Variants in PCLO observed in about 807,000 individuals in gnomAD.
PCLO encodes the protein piccolo presynaptic cytomatrix protein.
PCLO carries 82 observed loss-of-function variants against 427.5 expected under a neutral mutation model. The observed-to-expected ratio is 0.19, with a 90% CI of 0.16 to 0.23. PCLO has a LOEUF of 0.23. Ranked by LOEUF, PCLO falls within the 10% of genes least tolerant of loss-of-function variation. The pLI, the probability that PCLO is intolerant of heterozygous loss-of-function variation, is 1.00. For missense variants in PCLO, 6,239 were observed against 6,115.9 expected, an observed-to-expected ratio of 1.02 and a Z score of -0.67; for synonymous variants, 2,357 against 2,155.4, an observed-to-expected ratio of 1.09 and a Z score of -2.59.
At chr7:83,103,186 A>G (rs1235148696) in intron 3 of PCLO, among the ~76,000 whole-genome samples, 1 of 151,892 alleles carries the variant, frequency 6.6e-6, no homozygotes, top group African/African-American at 2.4e-5. Context: ...AAAAGCAACT[A>G]TTGTTTTTGA....
chr7:82,868,256 T>A, intron 10 of PCLO: 1 of 456,292 alleles, frequency 2.2e-6, no homozygotes, highest in Non-Finnish European at 4.4e-6. Context: ...AGGAGCATTC[T>A]TCCTTATGTT....
chr7:82,914,144 T>C (rs1584142832), intron 7 of PCLO, among the ~76,000 whole-genome samples: 1 of 152,002 alleles, frequency 6.6e-6, no homozygotes, highest in Non-Finnish European at 1.5e-5. Flanking sequence ...TTCTACATTA[T>C]ACTAACATCA....
At chr7:82,773,749 C>A (rs1430615823) in intron 22 of PCLO, among the ~76,000 whole-genome samples, 1 of 151,498 alleles carries the variant, frequency 6.6e-6, no homozygotes, top group South Asian at 2.1e-4. Context: ...CTCTTCAGTT[C>A]CCCTCTTCAT....
intron 3 of PCLO, among the ~76,000 whole-genome samples, chr7:83,108,875 G>T (rs989076109): frequency 6.6e-6 from 1 of 152,062 alleles, no homozygotes; most frequent in Non-Finnish European, 1.5e-5. Flanking sequence ...AAATGTACTG[G>T]AGTTAGAAAT....
At chr7:82,997,447 CTTG>C (rs1160572349) in intron 3 of PCLO, among the ~76,000 whole-genome samples, 2 of 151,952 alleles carry the variant, frequency 1.3e-5, no homozygotes, top group African/African-American at 4.8e-5. Context: ...TTTTGTCTTT[CTTG>C]TTATGTTTGC....
At chr7:82,940,143 T>A (rs1795045379) in intron 6 of PCLO, among the ~76,000 whole-genome samples, 1 of 152,234 alleles carries the variant, frequency 6.6e-6, no homozygotes, top group Non-Finnish European at 1.5e-5. Flanking sequence ...TCCAAATGGA[T>A]AATCAATGAA....
intron 3 of PCLO, among the ~76,000 whole-genome samples, chr7:83,062,021 T>A (rs1287642967): frequency 6.6e-6 from 1 of 152,162 alleles, no homozygotes; most frequent in African/African-American, 2.4e-5. Flanking sequence ...GTATATGACA[T>A]TGGGGACTAA....
chr7:82,922,293 T>C (rs1418933123), intron 6 of PCLO, among the ~76,000 whole-genome samples: 1 of 152,030 alleles, frequency 6.6e-6, no homozygotes, highest in East Asian at 1.9e-4. Context: ...CATGTGTATA[T>C]TCATCACAGC....
chr7:82,832,886 A>G (rs908954096), intron 16 of PCLO, among the ~76,000 whole-genome samples: 1 of 151,844 alleles, frequency 6.6e-6, no homozygotes. Context: ...CTCTTAATTT[A>G]GAAAAAATAC....
intron 22 of PCLO, among the ~76,000 whole-genome samples, chr7:82,797,269 T>G (rs755796200): frequency 9.9e-5 from 15 of 152,180 alleles, no homozygotes; most frequent in Non-Finnish European, 1.6e-4. Flanking sequence ...AAGTTGTGAT[T>G]GTAATACTTT....
chr7:83,093,510 T>TTTTTTTTTTTTTTTTTTTA (rs1790443054), intron 3 of PCLO, among the ~76,000 whole-genome samples: 1 of 119,744 alleles, frequency 8.4e-6, no homozygotes, highest in Admixed American at 8.7e-5. Flanking sequence ...TTTTTTTTTT[T>TTTTTTTTTTTTTTTTTTTA]GAGATGGAGT....
At chr7:82,802,099 T>C (rs1791366186) in intron 21 of PCLO, among the ~76,000 whole-genome samples, 1 of 152,032 alleles carries the variant, frequency 6.6e-6, no homozygotes, top group Non-Finnish European at 1.5e-5. Context: ...TTTCTGTGTT[T>C]TCCACTGTGT....
At chr7:82,985,772 CT>C (rs1796243429) in intron 3 of PCLO, among the ~76,000 whole-genome samples, 2 of 151,944 alleles carry the variant, frequency 1.3e-5, no homozygotes, top group South Asian at 4.1e-4. Context: ...AAAGTCGAGA[CT>C]TTTTATTTAT....
In PCLO at chr7:82,847,224, C is replaced by G; in HGVS notation, c.13678G>C (p.Gly4560Arg). Residue 4560 changes from glycine (G) to arginine (R), a missense_variant, in exon 11 of 25, where the codon GGA becomes CGA. Physicochemically the swap from Gly to Arg is moderately radical, Grantham distance 125 (BLOSUM62 -2). Transcript: ENST00000333891. ...TATGTTTTAGAAGTCAAGGGAATTC[C>G]ATTCCATTCCAATACTTGCATCCCT... ...MEGMQVLEWN[G>R]IPLTSKTYEE... The G allele has an allele frequency of 6.3e-7, 1 of 1,591,462 alleles. No individual in the cohort carries two copies. Among genetic ancestry groups the G allele is most frequent in the Non-Finnish European group, 8.6e-7 (1 of 1,166,750 alleles).
Position 83,134,898 on chromosome 7 carries a change from G to T in PCLO, c.2652C>A (p.Thr884=). Residue 884 remains threonine, a synonymous_variant, in exon 3 of 25, where the codon ACC becomes ACA. Coordinates refer to ENST00000333891, the MANE Select transcript of PCLO (RefSeq NM_033026.6). ...GAGGTGTGGGGACAGTTTGGCCAGC[G>T]GTAGGTCGTGGGCCAGGGGGTGTTG... The part of the protein sequence containing the change: ...GSPTPPGPRP[T]AGQTVPTPQQ... The T allele has an allele frequency of 6.2e-7, 1 of 1,602,178 alleles. No homozygotes were observed. The highest frequency in any genetic ancestry group is 1.3e-5 in the African/African-American group (1 of 74,626).
chr7:82,853,297 A>G (rs1792713533), intron 10 of PCLO, among the ~76,000 whole-genome samples: 1 of 152,116 alleles, frequency 6.6e-6, no homozygotes, highest in South Asian at 2.1e-4. Context: ...AGCAGGCTCA[A>G]TCTGCCTTCT....
At chr7:83,099,770 G>A (rs1790690501) in intron 3 of PCLO, among the ~76,000 whole-genome samples, 1 of 152,028 alleles carries the variant, frequency 6.6e-6, no homozygotes, top group South Asian at 2.1e-4. Context: ...TAAATTTTTA[G>A]ATATAATCCA....
intron 3 of PCLO, among the ~76,000 whole-genome samples, chr7:82,973,882 T>C (rs983462352): frequency 6.6e-6 from 1 of 152,156 alleles, no homozygotes; most frequent in Admixed American, 6.6e-5. Flanking sequence ...TGTTAATTTT[T>C]ACTAAACCAG....
chr7:83,000,613 T>C (rs1787799159), intron 3 of PCLO, among the ~76,000 whole-genome samples: 2 of 152,100 alleles, frequency 1.3e-5, no homozygotes, highest in South Asian at 2.1e-4. Flanking sequence ...ATCCCTGGCA[T>C]GCACAGTTCA....
Sources: gnomAD v4.1 joint callset for allele counts (sites outside exome capture counted in the v4.1 genomes callset) on GRCh38, gnomAD v4.1.1 for gene constraint, MANE v1.5 for transcripts, NCBI Gene and HGNC (gene_info 2026-07-23, HGNC 2026-07-21) for gene names.